EXD3: variants seen among roughly 807,000 people sequenced by gnomAD.
The protein encoded by EXD3 is exonuclease mut-7 homolog.
Under a neutral mutation model 98.0 loss-of-function variants are expected in EXD3, and 92 were observed. That is an observed-to-expected ratio of 0.94 (90% CI 0.79 to 1.12). EXD3 has a LOEUF of 1.12. Ranked by LOEUF, EXD3 falls within the 50% of genes most tolerant of loss-of-function variation. The probability of loss-of-function intolerance (pLI) is 0.00; values close to 1 mark genes in which losing one functional copy is unlikely to be tolerated. For synonymous variants in EXD3, 569 were observed against 526.0 expected (o/e 1.08, Z -1.12); for missense variants, 1,222 against 1,191.6 (o/e 1.03, Z -0.38).
At chr9:137,398,543 C>CCCCAAGACACACAGGCAACCGT (rs1837321668) in intron 1 of EXD3, among the ~76,000 whole-genome samples, 2 of 147,770 alleles carry the variant, frequency 1.4e-5, no homozygotes, top group African/African-American at 5.2e-5. Context: ...CAGGCAACCG[C>CCCCAAGACACACAGGCAACCGT]GTCCCCAAGA....
chr9:137,327,577 A>T (rs924905586), intron 17 of EXD3, among the ~76,000 whole-genome samples: 3 of 152,172 alleles, frequency 2.0e-5, no homozygotes, highest in African/African-American at 7.2e-5. Context: ...GTTTTACCAC[A>T]AAAAGAAAGA....
intron 8 of EXD3, among the ~76,000 whole-genome samples, chr9:137,355,450 T>TGGAGGAA (rs1375173621): frequency 1.0e-4 from 1 of 9,540 alleles, no homozygotes; most frequent in South Asian, 4.0e-3. Flanking sequence ...GAAGGGAGGA[T>TGGAGGAA]GGAGGAAGGA....
intron 2 of EXD3, among the ~76,000 whole-genome samples, chr9:137,394,834 T>A (rs2131765495): frequency 6.6e-6 from 1 of 152,138 alleles, no homozygotes; most frequent in African/African-American, 2.4e-5. Flanking sequence ...TGCCTCAGTT[T>A]AAAAAACTAG....
chr9:137,312,311 G>A (rs1831405831), intron 19 of EXD3, among the ~76,000 whole-genome samples: 2 of 152,316 alleles, frequency 1.3e-5, no homozygotes, highest in Middle Eastern at 3.4e-3. Context: ...GAGGGCCCAG[G>A]TGAATGGGGG....
chr9:137,421,856 AAAAG>A (rs899957884), intron 1 of EXD3, among the ~76,000 whole-genome samples: 2 of 152,146 alleles, frequency 1.3e-5, no homozygotes, highest in African/African-American at 4.8e-5. Flanking sequence ...CAAATAAATA[AAAAG>A]AAAGAAGAAC....
At chr9:137,312,065 G>A (rs192716269) in intron 19 of EXD3, among the ~76,000 whole-genome samples, 2 of 152,336 alleles carry the variant, frequency 1.3e-5, no homozygotes, top group East Asian at 3.9e-4. Context: ...CTCCATGCCA[G>A]GGTTCTCACG....
Position 137,359,098 on chromosome 9 carries a change from C to T in EXD3, c.657-2730G>A, listed in dbSNP as rs1834935587. Among the ~76,000 whole-genome samples, 2 of 84,460 alleles carry T rather than the reference C, an allele frequency of 2.4e-5. 1 individual carries two copies. Among genetic ancestry groups the T allele is most frequent in the East Asian group, 1.6e-3 (2 of 1,228 alleles). 55.4% of individuals were successfully genotyped at this position (84,460 alleles called of 152,430 possible). ...AGTAGCTGGGACTACAGGCGCCCGCCACCACGCCTGGGTAATTTTTTGTAT... is the reference window on the plus strand; with the variant it reads ...AGTAGCTGGGACTACAGGCGCCCGCTACCACGCCTGGGTAATTTTTTGTAT... On this transcript the variant is annotated intron_variant, in intron 7 of 21. Transcript: ENST00000340951.
chr9:137,351,100 C>T lies in EXD3; in HGVS notation c.1432G>A (p.Ala478Thr), dbSNP rs377594822. ...ATCTGCTTCTCCACATGGGCCAGGG[C>T]GGGGCAGGACGTGCCCAGTTTTTGC... ...DLQKLGTSCPALAHVEKQILG... is the reference protein window; with the variant it reads ...DLQKLGTSCPTLAHVEKQILG... Residue 478 changes from alanine (A) to threonine (T), a missense_variant, in exon 14 of 22, where the codon GCC becomes ACC. Physicochemically the swap from Ala to Thr is moderately conservative, Grantham distance 58. Transcript: ENST00000340951. 1.1e-5 allele frequency: 18 copies of T among 1,583,746 alleles called. No homozygotes were observed. The highest frequency in any genetic ancestry group is 3.6e-5 in the Admixed American group (2 of 55,884).
intron 19 of EXD3, among the ~76,000 whole-genome samples, chr9:137,312,848 C>T (rs767462045): frequency 2.6e-5 from 4 of 152,262 alleles, no homozygotes; most frequent in South Asian, 4.1e-4. Context: ...AAGGGGCCAG[C>T]GCTGGGCTGC....
chr9:137,414,792 C>T (rs953450448), intron 1 of EXD3, among the ~76,000 whole-genome samples: 4 of 152,230 alleles, frequency 2.6e-5, no homozygotes, highest in African/African-American at 7.2e-5. Context: ...CACACCGCCA[C>T]TCCAGGGGGG....
Position 137,349,125 on chromosome 9 carries a change from C to T in EXD3, c.1815G>A (p.Pro605=), listed in dbSNP as rs751418325. ...KPPGLQKASA[P]AAPRQVPVAV... is the part of the protein sequence containing the mutation. ...CTTCACCCACCTGCCTGGGTGCGGC[C>T]GGTGCTGACGCTTTCTGCAGGCCGG... The change falls in exon 16 of 22, where the codon CCG becomes CCA. Residue 605 remains proline (P), a synonymous_variant. Coordinates refer to ENST00000340951, the MANE Select transcript of EXD3 (RefSeq NM_017820.5). The surrounding 1 kb of genome is among the most constrained non-coding windows in gnomAD (Gnocchi z 7.4). 44 of 1,597,598 alleles carry T rather than the reference C, an allele frequency of 2.8e-5. No homozygotes were observed. Among genetic ancestry groups the T allele is most frequent in the East Asian group, 1.6e-4 (7 of 44,800 alleles).
chr9:137,322,709 C>T (rs1227745497), intron 19 of EXD3, among the ~76,000 whole-genome samples: 3 of 109,888 alleles, frequency 2.7e-5, no homozygotes, highest in African/African-American at 7.2e-5. Flanking sequence ...AAGAGATTCT[C>T]TGCCGACACC....
chr9:137,414,773 G>A (rs540142343), intron 1 of EXD3, among the ~76,000 whole-genome samples: 265 of 152,314 alleles, frequency 1.7e-3, no homozygotes, highest in Middle Eastern at 6.8e-3. Flanking sequence ...TGTGACAGGT[G>A]TGGGGTCCCA....
chr9:137,327,227 G>C (rs542990575), intron 17 of EXD3, among the ~76,000 whole-genome samples: 1 of 150,042 alleles, frequency 6.7e-6, no homozygotes, highest in Non-Finnish European at 1.5e-5. Context: ...TCTGCCTCCC[G>C]GGTTCACGCC....
chr9:137,418,343 T>C (rs1838339108), intron 1 of EXD3, among the ~76,000 whole-genome samples: 1 of 152,312 alleles, frequency 6.6e-6, no homozygotes, highest in East Asian at 1.9e-4. Flanking sequence ...AGAGCGAGAC[T>C]CTGTCTCAAA....
At chr9:137,358,415 C>A (rs532567481) in intron 7 of EXD3, among the ~76,000 whole-genome samples, 16 of 152,278 alleles carry the variant, frequency 1.1e-4, no homozygotes, top group African/African-American at 3.4e-4. Flanking sequence ...CCCCTGGAGA[C>A]CCTGTTTCCA....
chr9:137,353,952 C>T (rs1424187754), intron 10 of EXD3: 21 of 1,059,630 alleles, frequency 2.0e-5, no homozygotes, highest in African/African-American at 8.4e-5. Context: ...CCCTTCCGGC[C>T]GGCTCTGCGC....
rs115068322 is a variant in EXD3, at chr9:137,353,339, C to T, written c.871-553G>A. ...TCTCACCAGGCATCTGCCCCCACCC[C>T]GGGTCCCAGGAGCCCGGGCATGTTT... On this transcript the variant is annotated intron_variant, in intron 10 of 21. Coordinates refer to ENST00000340951, the MANE Select transcript of EXD3 (RefSeq NM_017820.5). 1.9e-3 allele frequency: 1,908 copies of T among 985,400 alleles called. 21 individuals carry two copies. In the African/African-American group the frequency reaches 0.028, roughly 14 times the overall value. The allele number at this position is 985,400 out of a possible 1,614,324, so 61.0% of individuals were successfully genotyped here.
chr9:137,353,773 C>A, intron 10 of EXD3: 1 of 985,902 alleles, frequency 1.0e-6, no homozygotes, highest in Non-Finnish European at 1.2e-6. Flanking sequence ...AGGGAGGGGA[C>A]CTGCCCAGCA....
Sources: gnomAD v4.1 joint callset for allele counts (sites outside exome capture counted in the v4.1 genomes callset) on GRCh38, gnomAD v4.1.1 for gene constraint, Gnocchi (gnomAD v3.1) non-coding constraint, MANE v1.5 for transcripts, NCBI Gene and HGNC (gene_info 2026-07-23, HGNC 2026-07-21) for gene names.